The following MROH1 variants were observed in gnomAD, a reference collection of about 807,000 sequenced individuals.
The protein encoded by MROH1 is maestro heat like repeat family member 1.
Under a neutral mutation model 116.5 loss-of-function variants are expected in MROH1, and 117 were observed. The ratio of observed to expected loss-of-function variants is 1.00; its 90% confidence interval spans 0.86 to 1.17. The LOEUF is 1.17. MROH1 is among the 50% of genes most tolerant of loss of function. The pLI is 0.00. For synonymous variants in MROH1, 921 were observed against 583.9 expected, an observed-to-expected ratio of 1.58 and a Z score of -8.32; for missense variants, 1,873 against 1,338.5, an observed-to-expected ratio of 1.40 and a Z score of -6.23.
chr8:144,201,949 C>G (rs915660815), intron 12 of MROH1, among the ~76,000 whole-genome samples: 3 of 149,514 alleles, frequency 2.0e-5, no homozygotes, highest in East Asian at 2.0e-4. Flanking sequence ...ACTCAGAAGG[C>G]TGAGGTTGCA....
intron 1 of MROH1, among the ~76,000 whole-genome samples, chr8:144,151,649 G>T (rs1307704382): frequency 2.6e-5 from 4 of 152,204 alleles, no homozygotes; most frequent in Admixed American, 2.0e-4. Flanking sequence ...CTGTCCTTGC[G>T]ACAAGTAGAG....
chr8:144,243,755 C>G, intron 25 of MROH1, 108 bp from the exon 26 acceptor site: 1 of 742,346 alleles, frequency 1.3e-6, no homozygotes, highest in Non-Finnish European at 2.5e-6. Context: ...ACACATGGGG[C>G]TCTGCTCCTC....
chr8:144,214,377 TG>T (rs1834820695), intron 12 of MROH1: 1 of 152,258 alleles, frequency 6.6e-6, no homozygotes, highest in African/African-American at 2.4e-5. Context: ...CAGTTGTCTT[TG>T]TGTCTTTTCC....
intron 1 of MROH1, among the ~76,000 whole-genome samples, chr8:144,155,550 G>A (rs1817823167): frequency 6.6e-6 from 1 of 151,730 alleles, no homozygotes; most frequent in Non-Finnish European, 1.5e-5. Context: ...ACACAAAACT[G>A]TGTATAAGTG....
Position 144,239,037 on chromosome 8 carries a change from C to G in MROH1, c.1449C>G (p.Val483=). ...VSTTVDRMSH[V]LWPYLLQFLT... ...GACCAGGCCCTCTGCTCCCCTAGGT[C>G]CTCTGGCCATACCTGCTCCAGTTCC... Residue 483 remains valine, a splice_region_variant and synonymous_variant, in exon 16 of 44, where the codon GTC becomes GTG. Coordinates refer to ENST00000326134, the MANE Select transcript of MROH1 (RefSeq NM_032450.3). 1 of 778,086 alleles carries G rather than the reference C, an allele frequency of 1.3e-6. No individual in the cohort carries two copies. Among genetic ancestry groups the G allele is most frequent in the South Asian group, 1.3e-5 (1 of 74,584 alleles). The allele number at this position is 778,086 out of a possible 1,614,324, so 48.2% of individuals were successfully genotyped here.
chr8:144,250,940 C>T (rs914008017), intron 33 of MROH1: 3 of 193,898 alleles, frequency 1.5e-5, no homozygotes, highest in Non-Finnish European at 3.2e-5. Flanking sequence ...CCTTCCTCGC[C>T]GAGGCCTCCG....
intron 14 of MROH1, among the ~76,000 whole-genome samples, chr8:144,237,396 G>A (rs1434869417): frequency 6.6e-6 from 1 of 152,208 alleles, no homozygotes; most frequent in East Asian, 1.9e-4. Flanking sequence ...GGCGCAGGAC[G>A]GTGTCCCAGC....
At chr8:144,255,941 T>A (rs1843674301) in intron 35 of MROH1, among the ~76,000 whole-genome samples, 1 of 152,232 alleles carries the variant, frequency 6.6e-6, no homozygotes, top group South Asian at 2.1e-4. Flanking sequence ...GCGGGCGGTC[T>A]GCACGGTGGT....
chr8:144,229,668 A>G (rs1037505208), intron 14 of MROH1, among the ~76,000 whole-genome samples: 1 of 152,168 alleles, frequency 6.6e-6, no homozygotes, highest in African/African-American at 2.4e-5. Flanking sequence ...CTGTGTCTCA[A>G]ACAAAAACAA....
intron 4 of MROH1, chr8:144,175,457 A>T: frequency 1.0e-6 from 1 of 981,780 alleles, no homozygotes; most frequent in Non-Finnish European, 1.2e-6. Context: ...AACCAGACCA[A>T]TTTACACTGA....
At chr8:144,157,330 C>A (rs1187555684) in intron 1 of MROH1, among the ~76,000 whole-genome samples, 1 of 152,222 alleles carries the variant, frequency 6.6e-6, no homozygotes, top group Non-Finnish European at 1.5e-5. Context: ...TATCCACCCG[C>A]CTTGGCCTCC....
chr8:144,206,349 A>G (rs1234005942), intron 12 of MROH1, among the ~76,000 whole-genome samples: 3 of 151,994 alleles, frequency 2.0e-5, no homozygotes, highest in African/African-American at 7.2e-5. Flanking sequence ...TTTACTGCTA[A>G]GTTGTATTCT....
At chr8:144,220,313 T>G (rs149716544) in intron 12 of MROH1, among the ~76,000 whole-genome samples, 21 of 152,332 alleles carry the variant, frequency 1.4e-4, no homozygotes, top group African/African-American at 4.8e-4. Context: ...TGAGTACCAC[T>G]GAAGGAACTT....
intron 12 of MROH1, among the ~76,000 whole-genome samples, chr8:144,209,460 G>A (rs1048347274): frequency 1.3e-5 from 2 of 151,400 alleles, no homozygotes; most frequent in Admixed American, 6.6e-5. Context: ...GGCGCCTGTA[G>A]TTCCAGCTAC....
rs1316022625 is a variant in MROH1, at chr8:144,247,349, C to T, written c.2920C>T (p.Pro974Ser). ...GGGCCTTCTCATCGGCCTCTTCTCC[C>T]CACGGTGTGCGGACCTGTGGCCTGC... is the stretch of plus-strand genomic sequence containing the variant. ...NLGLLIGLFS[P>S]RCADLWPATR... The change falls in exon 30 of 44, where the codon CCA becomes TCA. Residue 974 changes from proline (P) to serine (S), a missense_variant. Physicochemically the swap from Pro to Ser is moderately conservative, Grantham distance 74. Coordinates refer to ENST00000326134, the MANE Select transcript of MROH1 (RefSeq NM_032450.3). 1.3e-6 allele frequency: 1 copy of T among 772,970 alleles called. No individual in the cohort carries two copies. The highest frequency in any genetic ancestry group is 2.4e-6 in the Non-Finnish European group (1 of 415,256). The allele number at this position is 772,970 out of a possible 1,614,324, so 47.9% of individuals were successfully genotyped here. A position where few individuals can be genotyped will look rare whatever the true frequency, so the allele number is the denominator to read the frequency against.
At chr8:144,158,595 A>T (rs1818741050) in intron 1 of MROH1, among the ~76,000 whole-genome samples, 1 of 151,622 alleles carries the variant, frequency 6.6e-6, no homozygotes, top group African/African-American at 2.4e-5. Context: ...TTCACTTTTG[A>T]TTCCTTTTTA....
At position 144,200,416 on chromosome 8, in the gene MROH1, G is replaced by C; in HGVS notation, c.1028-12G>C. The C allele has an allele frequency of 6.5e-7, 1 of 1,542,926 alleles. No homozygotes were observed. The highest frequency in any genetic ancestry group is 8.8e-7 in the Non-Finnish European group (1 of 1,142,594). Reference sequence around the variant, plus strand: ...ATGACATGGAGCCTAATCTGTACCCGTTGCCCTGTAGCCTGCAGCTCGCCT... The same window carrying C: ...ATGACATGGAGCCTAATCTGTACCCCTTGCCCTGTAGCCTGCAGCTCGCCT... On this transcript the variant is annotated splice_polypyrimidine_tract_variant and intron_variant, in intron 11 of 43. Transcript: ENST00000326134.
At chr8:144,232,470 G>GTTTATTTATTTA (rs1262104710) in intron 14 of MROH1, among the ~76,000 whole-genome samples, 12 of 148,422 alleles carry the variant, frequency 8.1e-5, no homozygotes, top group African/African-American at 2.9e-4. Flanking sequence ...TGCTTTGTTT[G>GTTTATTTATTTA]TTTGTTTATT....
intron 13 of MROH1, among the ~76,000 whole-genome samples, chr8:144,221,348 T>G (rs535594262): frequency 6.6e-6 from 1 of 152,120 alleles, no homozygotes; most frequent in Admixed American, 6.5e-5. Flanking sequence ...TGTTTGGGGC[T>G]TAGTGATGAC....
Sources: allele counts gnomAD v4.1 joint callset (sites outside exome capture counted in the v4.1 genomes callset), GRCh38; gene constraint gnomAD v4.1.1; transcripts MANE v1.5; gene names NCBI Gene and HGNC (gene_info 2026-07-23, HGNC 2026-07-21).